Variants in RANBP9 observed in about 807,000 individuals in gnomAD.
RANBP9 encodes the protein RAN binding protein 9.
RANBP9 carries 15 observed loss-of-function variants against 84.3 expected under a neutral mutation model. The observed-to-expected ratio is 0.18, with a 90% CI of 0.12 to 0.27. The LOEUF (loss-of-function observed/expected upper bound fraction) is 0.27, where lower values mean the gene tolerates loss of function less well. Ranked by LOEUF, RANBP9 falls within the 10% of genes least tolerant of loss-of-function variation. The pLI, the probability that RANBP9 is intolerant of heterozygous loss-of-function variation, is 1.00. For missense variants in RANBP9, 809 were observed against 912.8 expected (o/e 0.89, Z 1.46); for synonymous variants, 392 against 349.6 (o/e 1.12, Z -1.35).
chr6:13,667,044 G>A (rs1310108694), intron 2 of RANBP9, among the ~76,000 whole-genome samples: 1 of 152,138 alleles, frequency 6.6e-6, no homozygotes, highest in Non-Finnish European at 1.5e-5. Context: ...TGAGGGACAG[G>A]CAAAATTTAT....
At chr6:13,703,114 G>C (rs1037029025) in intron 1 of RANBP9, among the ~76,000 whole-genome samples, 1 of 152,166 alleles carries the variant, frequency 6.6e-6, no homozygotes, top group Non-Finnish European at 1.5e-5. Flanking sequence ...CTGGGTTCAA[G>C]CAGTCCTCCC....
chr6:13,707,051 T>A (rs1189467427), intron 1 of RANBP9, among the ~76,000 whole-genome samples: 2 of 152,122 alleles, frequency 1.3e-5, no homozygotes, highest in Non-Finnish European at 2.9e-5. Context: ...TTACTTATTT[T>A]TTTTTTAAGA....
At chr6:13,673,546 C>G (rs1191362476) in intron 2 of RANBP9, among the ~76,000 whole-genome samples, 1 of 152,006 alleles carries the variant, frequency 6.6e-6, no homozygotes, top group Non-Finnish European at 1.5e-5. Flanking sequence ...AAAATAGTAA[C>G]AATATCTTGG....
At position 13,627,557 on chromosome 6, in the gene RANBP9, T is replaced by C. The variant is rs189526096; in HGVS notation, c.1948-1793A>G. Reference sequence around the variant, plus strand: ...AGGCAGGAGAATCACTTGAACCCAGTAGGCGGAGGCTGCAGTGAGCCAAGA... The same window carrying C: ...AGGCAGGAGAATCACTTGAACCCAGCAGGCGGAGGCTGCAGTGAGCCAAGA... On this transcript the variant is annotated intron_variant, in intron 12 of 13. Coordinates refer to ENST00000011619, the MANE Select transcript of RANBP9 (RefSeq NM_005493.3). Among the ~76,000 whole-genome samples the C allele has an allele frequency of 1.2e-3, 172 of 139,138 alleles. 1 individual carries two copies. Among genetic ancestry groups the C allele is most frequent in the African/African-American group, 4.4e-3 (159 of 36,424 alleles). The allele number at this position is 139,138 out of a possible 152,430, so 91.3% of individuals were successfully genotyped here.
intron 1 of RANBP9, among the ~76,000 whole-genome samples, chr6:13,699,424 A>G (rs532245222): frequency 1.5e-3 from 226 of 152,372 alleles, no homozygotes; most frequent in Non-Finnish European, 2.4e-3. Flanking sequence ...TTCTTAAATG[A>G]GACCAGTCCA....
Position 13,641,188 on chromosome 6 carries a change from T to A in RANBP9, c.1334+11A>T. 7.0e-7 allele frequency: 1 copy of A among 1,436,666 alleles called. No individual in the cohort carries two copies. Among genetic ancestry groups the A allele is most frequent in the South Asian group, 1.3e-5 (1 of 76,708 alleles). The allele number at this position is 1,436,666 out of a possible 1,614,324, so 89.0% of individuals were successfully genotyped here. On this transcript the variant is annotated intron_variant, in intron 8 of 13. Coordinates refer to ENST00000011619, the MANE Select transcript of RANBP9 (RefSeq NM_005493.3). ...ATATAACAAATATAGCATTTTATTATGCAAACTCACTTTAATGTGAAAAGG... is the reference window on the plus strand; with the variant it reads ...ATATAACAAATATAGCATTTTATTAAGCAAACTCACTTTAATGTGAAAAGG...
At chr6:13,693,778 C>T (rs1259951279) in intron 2 of RANBP9, among the ~76,000 whole-genome samples, 2 of 152,180 alleles carry the variant, frequency 1.3e-5, no homozygotes, top group Non-Finnish European at 2.9e-5. Context: ...TGTTGTGGCA[C>T]ATGCCTGCAA....
chr6:13,705,378 G>A (rs12199995), intron 1 of RANBP9, among the ~76,000 whole-genome samples: 5,720 of 123,316 alleles, frequency 0.046, 169 homozygotes, highest in Non-Finnish European at 0.064. Context: ...CTGCACTTCG[G>A]CCTGGGCGAC....
intron 1 of RANBP9, among the ~76,000 whole-genome samples, chr6:13,703,176 C>T (rs139542329): frequency 4.9e-4 from 75 of 152,296 alleles, no homozygotes; most frequent in African/African-American, 1.8e-3. Flanking sequence ...CTGCACCCTC[C>T]CGTGCTCAGC....
intron 2 of RANBP9, among the ~76,000 whole-genome samples, chr6:13,660,025 A>G (rs1765505156): frequency 6.6e-6 from 1 of 152,254 alleles, no homozygotes; most frequent in Admixed American, 6.5e-5. Context: ...TTATTTAGGC[A>G]TTCTGGCAAA....
intron 1 of RANBP9, among the ~76,000 whole-genome samples, chr6:13,702,850 T>G (rs900606023): frequency 2.0e-5 from 3 of 152,204 alleles, no homozygotes; most frequent in African/African-American, 7.2e-5. Flanking sequence ...ATTTACTCTT[T>G]CAACCCACTG....
At chr6:13,700,030 T>C (rs1757926854) in intron 1 of RANBP9, among the ~76,000 whole-genome samples, 1 of 152,162 alleles carries the variant, frequency 6.6e-6, no homozygotes, top group Non-Finnish European at 1.5e-5. Flanking sequence ...AACAACCTCA[T>C]ACTACCAAAG....
intron 6 of RANBP9, among the ~76,000 whole-genome samples, chr6:13,642,986 T>C (rs916612775): frequency 6.6e-6 from 1 of 152,200 alleles, no homozygotes; most frequent in Non-Finnish European, 1.5e-5. Context: ...GCTGGCATTC[T>C]GTAAAATAAC....
At chr6:13,665,482 A>G (rs1466716221) in intron 2 of RANBP9, among the ~76,000 whole-genome samples, 2 of 152,180 alleles carry the variant, frequency 1.3e-5, no homozygotes, top group East Asian at 3.8e-4. Context: ...TATAAAACCA[A>G]CAAGATCAGT....
At position 13,625,654 on chromosome 6, in the gene RANBP9, T is replaced by C. The variant is rs1290228720; in HGVS notation, c.2058A>G (p.Leu686=). 1 of 1,594,136 alleles carries C rather than the reference T, an allele frequency of 6.3e-7. No homozygotes were observed. Among genetic ancestry groups the C allele is most frequent in the Middle Eastern group, 1.7e-4 (1 of 6,002 alleles). ...PVCSALNSAI[L]ETHNLPKQPP... Reference sequence around the variant, plus strand: ...TGTGCCTTATTTGGCTTTACTTACCTAATATTGCACTGTTAAGAGCTGAGC... The same window carrying C: ...TGTGCCTTATTTGGCTTTACTTACCCAATATTGCACTGTTAAGAGCTGAGC... The change falls in exon 13 of 14, where the codon TTA becomes TTG. Residue 686 remains leucine, a splice_region_variant and synonymous_variant. Transcript: ENST00000011619.
intron 7 of RANBP9, among the ~76,000 whole-genome samples, chr6:13,642,159 C>T (rs950676798): frequency 6.6e-6 from 1 of 152,106 alleles, no homozygotes; most frequent in Non-Finnish European, 1.5e-5. Flanking sequence ...CTAATCAGGA[C>T]TACTTTATTA....
intron 2 of RANBP9, among the ~76,000 whole-genome samples, chr6:13,679,118 T>C (rs565543270): frequency 4.5e-4 from 69 of 152,268 alleles, no homozygotes; most frequent in African/African-American, 1.6e-3. Flanking sequence ...CTTATCTCTC[T>C]CTACACTGCA....
At chr6:13,625,181 A>G (rs10948800) in intron 13 of RANBP9, among the ~76,000 whole-genome samples, 22,832 of 152,114 alleles carry the variant, frequency 0.15, 2,086 homozygotes, top group East Asian at 0.26. Context: ...ACAATTATTA[A>G]TCTATGTTCT....
At chr6:13,641,089 G>C in intron 8 of RANBP9, 110 bp downstream of exon 8, 1 of 668,824 alleles carries the variant, frequency 1.5e-6, no homozygotes, top group Non-Finnish European at 2.3e-6. Context: ...GTATATACTT[G>C]AAAAACGAAA....
Sources: gnomAD v4.1 joint callset for allele counts (sites outside exome capture counted in the v4.1 genomes callset) on GRCh38, gnomAD v4.1.1 for gene constraint, MANE v1.5 for transcripts, NCBI Gene and HGNC (gene_info 2026-07-23, HGNC 2026-07-21) for gene names.